RBFOX1: variants seen among roughly 807,000 people sequenced by gnomAD.
RBFOX1 encodes the protein RNA binding protein fox-1 homolog 1.
In RBFOX1, 8 loss-of-function variants were observed where a neutral mutation model predicts 57.7. The observed-to-expected ratio is 0.14, with a 90% confidence interval of 0.08 to 0.25. RBFOX1 has a LOEUF of 0.25. RBFOX1 is among the 10% of genes least tolerant of loss of function. RBFOX1 has a pLI of 1.00. For missense variants in RBFOX1, 611 were observed against 548.5 expected (o/e 1.11, Z -1.14); for synonymous variants, 326 against 222.4 (o/e 1.47, Z -4.15).
chr16:7,708,937 C>T (rs1156525066), intron 14 of RBFOX1, 119 bp from the exon 15 acceptor site: 1 of 845,772 alleles, frequency 1.2e-6, no homozygotes, highest in African/African-American at 1.7e-5. Context: ...GTAGAATTTG[C>T]TTCTCACTGG....
intron 3 of RBFOX1, among the ~76,000 whole-genome samples, chr16:7,046,891 C>A (rs543519652): frequency 3.9e-5 from 6 of 152,082 alleles, no homozygotes; most frequent in East Asian, 3.9e-4. Context: ...CAGGCGTGAG[C>A]CCCTGCGCCT....
At chr16:6,143,311 C>T (rs2096733091) in intron 1 of RBFOX1, among the ~76,000 whole-genome samples, 1 of 152,120 alleles carries the variant, frequency 6.6e-6, no homozygotes, top group Admixed American at 6.5e-5. Context: ...ATATTCTTAG[C>T]CATTATAGAT....
At chr16:5,965,133 C>T (rs9935929) in intron 4 of RBFOX1, among the ~76,000 whole-genome samples, 5,598 of 152,010 alleles carry the variant, frequency 0.037, 334 homozygotes, top group African/African-American at 0.12. Flanking sequence ...CAGAGCTGGA[C>T]GGTGGGAAAA....
At chr16:6,684,521 C>G (rs1488800729) in intron 3 of RBFOX1, among the ~76,000 whole-genome samples, 1 of 152,162 alleles carries the variant, frequency 6.6e-6, no homozygotes, top group East Asian at 1.9e-4. Flanking sequence ...TTAGAAATTG[C>G]TGCAGTGGAA....
At position 7,698,214 on chromosome 16, in the gene RBFOX1, G is replaced by GTGTA. The variant is rs1404418557; in HGVS notation, c.996-10841_996-10840insGTAT. Among the ~76,000 whole-genome samples the GTGTA allele has an allele frequency of 1.0e-4, 15 of 150,414 alleles. No individual in the cohort carries two copies. In the South Asian group the frequency reaches 2.5e-3, roughly 25 times the overall value. ...TGTGTGTGTGTGTGTGTGTGTGTGT[G>GTGTA]TATAAAGGGGGTAGGTGGAGGCTGG... On this transcript the variant is annotated intron_variant, in intron 14 of 15. Coordinates refer to ENST00000550418, the MANE Select transcript of RBFOX1 (RefSeq NM_018723.4).
At chr16:6,413,745 T>A (rs1253508718) in intron 2 of RBFOX1, among the ~76,000 whole-genome samples, 5 of 152,216 alleles carry the variant, frequency 3.3e-5, no homozygotes, top group African/African-American at 4.8e-5. Context: ...TATCTTTTGA[T>A]ACTTAATTAA....
At chr16:6,573,050 C>T (rs929104381) in intron 2 of RBFOX1, among the ~76,000 whole-genome samples, 1 of 152,144 alleles carries the variant, frequency 6.6e-6, no homozygotes, top group Non-Finnish European at 1.5e-5. Flanking sequence ...CTCCTACAGA[C>T]TCAGATAGGA....
At chr16:6,948,472 T>G (rs1258765269) in intron 3 of RBFOX1, among the ~76,000 whole-genome samples, 2 of 140,142 alleles carry the variant, frequency 1.4e-5, no homozygotes, top group African/African-American at 5.3e-5. Flanking sequence ...AACCTTTGCC[T>G]CCTTGGTTCA....
In RBFOX1 at chr16:6,766,788, C is replaced by T. The variant is rs181466321; in HGVS notation, c.-16+112138C>T. Among the ~76,000 whole-genome samples the T allele has an allele frequency of 2.0e-5, 3 of 152,016 alleles. No individual in the cohort carries two copies. The East Asian group carries it at 5.8e-4, about 29-fold the overall frequency. Reference sequence around the variant, plus strand: ...ACACCAGTGATGGTCTTCATATGGGCTTCCGTTAGTGACTTTGGTGAAGTT... The same window carrying T: ...ACACCAGTGATGGTCTTCATATGGGTTTCCGTTAGTGACTTTGGTGAAGTT... On this transcript the variant is annotated intron_variant, in intron 3 of 15. Coordinates refer to ENST00000550418, the MANE Select transcript of RBFOX1 (RefSeq NM_018723.4).
intron 3 of RBFOX1, among the ~76,000 whole-genome samples, chr16:6,738,412 G>A (rs927356261): frequency 5.9e-5 from 9 of 152,118 alleles, no homozygotes; most frequent in African/African-American, 2.2e-4. Context: ...TCAGAGTGGA[G>A]AGTAGGAGCC....
chr16:7,032,633 C>G (rs1436098996), intron 3 of RBFOX1, among the ~76,000 whole-genome samples: 4 of 152,018 alleles, frequency 2.6e-5, no homozygotes, highest in African/African-American at 9.7e-5. Flanking sequence ...ATTTTCCCTC[C>G]TCAAGCTAAT....
intron 5 of RBFOX1, among the ~76,000 whole-genome samples, chr16:7,543,806 T>C (rs2083659220): frequency 6.6e-6 from 1 of 152,114 alleles, no homozygotes; most frequent in South Asian, 2.1e-4. Context: ...CTGCAACCTC[T>C]ACCTCCTTGG....
chr16:7,176,116 A>AT (rs573650751), intron 4 of RBFOX1, among the ~76,000 whole-genome samples: 7 of 151,434 alleles, frequency 4.6e-5, no homozygotes, highest in Non-Finnish European at 1.0e-4. Flanking sequence ...TTTTAATCAA[A>AT]TTTTTTTTAT....
intron 1 of RBFOX1, among the ~76,000 whole-genome samples, chr16:6,225,954 A>G (rs536442536): frequency 2.0e-5 from 3 of 152,230 alleles, no homozygotes; most frequent in South Asian, 2.1e-4. Context: ...CCTTAAGACA[A>G]TCTTTTTCTA....
At chr16:5,433,704 G>A (rs760674612) in intron 1 of RBFOX1, among the ~76,000 whole-genome samples, 19 of 152,190 alleles carry the variant, frequency 1.2e-4, no homozygotes, top group Non-Finnish European at 2.5e-4. Context: ...GTCATTTGCT[G>A]AATAACTGCT....
chr16:6,524,302 G>T (rs1479405170), intron 2 of RBFOX1, among the ~76,000 whole-genome samples: 2 of 152,146 alleles, frequency 1.3e-5, no homozygotes, highest in African/African-American at 4.8e-5. Context: ...AGTTCATTCT[G>T]TGTTGTTGCA....
At chr16:5,682,988 C>G (rs2050390332) in intron 3 of RBFOX1, among the ~76,000 whole-genome samples, 1 of 152,214 alleles carries the variant, frequency 6.6e-6, no homozygotes, top group Non-Finnish European at 1.5e-5. Flanking sequence ...ATTCTTTAAC[C>G]TCTCTGAACC....
chr16:7,192,945 C>G (rs1033647139), intron 4 of RBFOX1, among the ~76,000 whole-genome samples: 3 of 152,198 alleles, frequency 2.0e-5, no homozygotes, highest in Non-Finnish European at 2.9e-5. Context: ...AGAAAGATCT[C>G]TTCCCCTCCT....
intron 4 of RBFOX1, among the ~76,000 whole-genome samples, chr16:7,226,285 A>G (rs935895094): frequency 1.3e-5 from 2 of 152,234 alleles, no homozygotes; most frequent in African/African-American, 4.8e-5. Flanking sequence ...CCTCTCATGA[A>G]CTACAAGCTA....
Sources: allele counts gnomAD v4.1 joint callset (sites outside exome capture counted in the v4.1 genomes callset), GRCh38; gene constraint gnomAD v4.1.1; transcripts MANE v1.5; gene names NCBI Gene and HGNC (gene_info 2026-07-23, HGNC 2026-07-21).